CNTN4: variants seen among roughly 807,000 people sequenced by gnomAD.
CNTN4 encodes contactin 4, also known as contactin-4.
Under a neutral mutation model 122.5 loss-of-function variants are expected in CNTN4, and 77 were observed. The ratio of observed to expected loss-of-function variants is 0.63; its 90% CI spans 0.52 to 0.76. CNTN4 has a LOEUF of 0.76. Ranked by LOEUF, CNTN4 falls within the 30% of genes least tolerant of loss-of-function variation. The pLI is 0.00. For synonymous variants in CNTN4, 512 were observed against 447.0 expected, an observed-to-expected ratio of 1.15 and a Z score of -1.83; for missense variants, 1,256 against 1,259.1, an observed-to-expected ratio of 1.00 and a Z score of 0.04.
At chr3:2,154,218 C>G (rs1559292988) in intron 2 of CNTN4, among the ~76,000 whole-genome samples, 1 of 151,896 alleles carries the variant, frequency 6.6e-6, no homozygotes, top group Non-Finnish European at 1.5e-5. Flanking sequence ...AACCCCGTCT[C>G]TACAAAAAAT....
In CNTN4 at chr3:2,740,051, C is replaced by G. The variant is rs6769797; in HGVS notation, c.182+3710C>G. 4.0e-3 allele frequency among the ~76,000 whole-genome samples: 610 copies of G among 152,052 alleles called. 3 individuals carry two copies. Among genetic ancestry groups the G allele is most frequent in the African/African-American group, 0.014 (582 of 41,474 alleles). On this transcript the variant is annotated intron_variant, in intron 5 of 24. Coordinates refer to ENST00000418658, the MANE Select transcript of CNTN4 (RefSeq NM_175607.3). ...GTACCTTTTTTTTTCCCCCAAGTAC[C>G]TTTAACTCAAAATAGTCAATATAGG... is the stretch of plus-strand genomic sequence containing the variant.
At chr3:2,640,308 A>T (rs561360936) in intron 4 of CNTN4, among the ~76,000 whole-genome samples, 1 of 152,174 alleles carries the variant, frequency 6.6e-6, no homozygotes, top group Admixed American at 6.5e-5. Context: ...GTACTCTAAC[A>T]CTGTAGCACT....
intron 4 of CNTN4, among the ~76,000 whole-genome samples, chr3:2,606,245 GAA>G (rs1464098869): frequency 6.6e-6 from 1 of 152,156 alleles, no homozygotes; most frequent in East Asian, 1.9e-4. Context: ...TTGGCAATAA[GAA>G]GTTATTGTAA....
chr3:2,791,935 G>A (rs2092024503), intron 6 of CNTN4, among the ~76,000 whole-genome samples: 1 of 152,062 alleles, frequency 6.6e-6, no homozygotes, highest in Admixed American at 6.6e-5. Context: ...ATCGGATTTA[G>A]GGCCCACTCA....
At chr3:2,126,512 G>A (rs993778108) in intron 2 of CNTN4, among the ~76,000 whole-genome samples, 2 of 152,060 alleles carry the variant, frequency 1.3e-5, no homozygotes, top group African/African-American at 2.4e-5. Flanking sequence ...AATAATTTTT[G>A]TGTCCTGTGA....
chr3:2,542,563 A>C (rs1472758642), intron 3 of CNTN4, among the ~76,000 whole-genome samples: 3 of 152,120 alleles, frequency 2.0e-5, no homozygotes, highest in Non-Finnish European at 4.4e-5. Context: ...ATATAGTACA[A>C]ATTTTGCTGA....
chr3:2,225,775 C>T (rs1448819116), intron 2 of CNTN4, among the ~76,000 whole-genome samples: 3 of 152,174 alleles, frequency 2.0e-5, no homozygotes, highest in Non-Finnish European at 4.4e-5. Flanking sequence ...AGCTAGCTCA[C>T]ATCTGACCCC....
chr3:2,211,371 T>C (rs1032649805), intron 2 of CNTN4, among the ~76,000 whole-genome samples: 3 of 152,164 alleles, frequency 2.0e-5, no homozygotes, highest in African/African-American at 7.2e-5. Context: ...GACAGAAATC[T>C]AAACTATATG....
chr3:2,717,378 C>T (rs2087560201), intron 4 of CNTN4, among the ~76,000 whole-genome samples: 1 of 152,088 alleles, frequency 6.6e-6, no homozygotes, highest in Non-Finnish European at 1.5e-5. Flanking sequence ...CAGTGAAAAC[C>T]CCGGGTACTA....
intron 13 of CNTN4, among the ~76,000 whole-genome samples, chr3:2,926,389 G>A (rs1020367908): frequency 2.6e-5 from 4 of 152,078 alleles, no homozygotes; most frequent in Non-Finnish European, 5.9e-5. Context: ...TGCATGTAGT[G>A]TATACAATGC....
chr3:2,862,122 G>A (rs1001786896), intron 7 of CNTN4, among the ~76,000 whole-genome samples: 2 of 152,274 alleles, frequency 1.3e-5, no homozygotes, highest in Non-Finnish European at 2.9e-5. Context: ...AGCCCTTTCA[G>A]GTTTAAAACT....
intron 4 of CNTN4, among the ~76,000 whole-genome samples, chr3:2,712,735 C>A (rs2087227264): frequency 6.6e-6 from 1 of 152,218 alleles, no homozygotes; most frequent in South Asian, 2.1e-4. Context: ...AGGATTGGTA[C>A]TTTCAACCCC....
At chr3:2,498,694 C>G (rs2076516875) in intron 3 of CNTN4, among the ~76,000 whole-genome samples, 1 of 151,988 alleles carries the variant, frequency 6.6e-6, no homozygotes, top group African/African-American at 2.4e-5. Flanking sequence ...GTTTCTCAGG[C>G]TGATACTGAA....
intron 4 of CNTN4, among the ~76,000 whole-genome samples, chr3:2,668,530 A>G (rs1479597270): frequency 6.6e-6 from 1 of 152,178 alleles, no homozygotes; most frequent in African/African-American, 2.4e-5. Flanking sequence ...CAATCAGGTC[A>G]TCTGCAAACA....
intron 2 of CNTN4, among the ~76,000 whole-genome samples, chr3:2,244,065 A>C (rs182011184): frequency 1.8e-4 from 28 of 152,230 alleles, no homozygotes; most frequent in African/African-American, 6.5e-4. Context: ...AACTCCAAGT[A>C]GATGCCTGCA....
At chr3:2,534,116 C>T (rs1451854244) in intron 3 of CNTN4, among the ~76,000 whole-genome samples, 1 of 152,090 alleles carries the variant, frequency 6.6e-6, no homozygotes, top group Admixed American at 6.5e-5. Flanking sequence ...TTAATTAGAT[C>T]CCATTTGCCA....
At chr3:2,169,983 T>G (rs1378412652) in intron 2 of CNTN4, among the ~76,000 whole-genome samples, 3 of 152,210 alleles carry the variant, frequency 2.0e-5, no homozygotes, top group African/African-American at 4.8e-5. Context: ...TGATGAGAGA[T>G]AAGATAAATG....
intron 3 of CNTN4, among the ~76,000 whole-genome samples, chr3:2,521,352 C>CCCCA (rs2077212531): frequency 1.2e-4 from 4 of 32,640 alleles, no homozygotes; most frequent in Admixed American, 7.0e-4. Context: ...ATCCCCCCCA[C>CCCCA]CCCCCGCAAT....
At chr3:2,413,197 C>T (rs2047291112) in intron 3 of CNTN4, among the ~76,000 whole-genome samples, 1 of 152,190 alleles carries the variant, frequency 6.6e-6, no homozygotes, top group Non-Finnish European at 1.5e-5. Flanking sequence ...TGTATCTCTA[C>T]TTTAGTGGAA....
Sources: gnomAD v4.1 joint callset for allele counts (sites outside exome capture counted in the v4.1 genomes callset) on GRCh38, gnomAD v4.1.1 for gene constraint, MANE v1.5 for transcripts, NCBI Gene and HGNC (gene_info 2026-07-23, HGNC 2026-07-21) for gene names.